RHEBL1: variants seen among roughly 807,000 people sequenced by gnomAD.
The protein encoded by RHEBL1 is RHEB like 1, also known as GTPase RhebL1.
A neutral mutation model predicts 27.4 loss-of-function variants in RHEBL1; 22 were observed. The observed-to-expected ratio is 0.80, with a 90% CI of 0.57 to 1.15. RHEBL1 has a LOEUF of 1.15. Ranked by LOEUF, RHEBL1 falls within the 50% of genes most tolerant of loss-of-function variation. The pLI is 0.00. For missense variants in RHEBL1, 186 were observed against 226.5 expected (o/e 0.82, Z 1.15); for synonymous variants, 85 against 80.8 (o/e 1.05, Z -0.28).
At chr12:49,068,959 A>C in intron 2 of RHEBL1, 76 bp downstream of exon 2, 1 of 1,456,190 alleles carries the variant, frequency 6.9e-7, no homozygotes, top group Non-Finnish European at 9.3e-7. Context: ...CAGAGAAATA[A>C]ATTATGGAGT....
chr12:49,064,755 G>C lies in RHEBL1; in HGVS notation c.*348C>G. ...AGCCAGCTCTATTTCAGAAGTCCCC[G>C]GCTCCCCTTACCCAGCCAACACCCA... On this transcript the variant is annotated 3_prime_UTR_variant, in exon 8 of 8. Transcript: ENST00000301068. 4.1e-6 allele frequency: 1 copy of C among 242,470 alleles called. No individual in the cohort carries two copies. The highest frequency in any genetic ancestry group is 8.1e-6 in the Non-Finnish European group (1 of 123,234). 15.0% of individuals were successfully genotyped at this position (242,470 alleles called of 1,614,324 possible). A position where few individuals can be genotyped will look rare whatever the true frequency, so the allele number is the denominator to read the frequency against.
chr12:49,066,352 C>T (rs77472342), intron 5 of RHEBL1, 74 bp from the exon 6 acceptor site: 42,775 of 1,560,654 alleles, frequency 0.027, 734 homozygotes, highest in Non-Finnish European at 0.029. Flanking sequence ...CAAGGCTGGA[C>T]GACTCCTTAT....
At chr12:49,067,971 G>T (rs1939024065) in intron 2 of RHEBL1, among the ~76,000 whole-genome samples, 1 of 151,818 alleles carries the variant, frequency 6.6e-6, no homozygotes, top group African/African-American at 2.4e-5. Flanking sequence ...TTCTCTTCTA[G>T]CTATTTTGAA....
At position 49,065,390 on chromosome 12, in the gene RHEBL1, C is replaced by G; in HGVS notation, c.422G>C (p.Trp141Ser). 6.2e-7 allele frequency: 1 copy of G among 1,614,202 alleles called. No individual in the cohort carries two copies. The highest frequency in any genetic ancestry group is 1.1e-5 in the South Asian group (1 of 91,080). ...AGATGACTCCATAAATGTCGCACCC[C>G]AGGACTCTGCCAGCTTCTTTCCTTC... ...AVEGKKLAES[W>S]GATFMESSAR... Residue 141 changes from tryptophan (W) to serine (S), a missense_variant, in exon 7 of 8, where the codon TGG (tryptophan) becomes TCG (serine). By Grantham distance (177) the Trp-to-Ser change is radical. This residue lies in a region of RHEBL1 where 90 missense variants were observed against 95.2 expected (regional missense o/e 0.95). Transcript: ENST00000301068.
intron 6 of RHEBL1, 61 bp downstream of exon 6, chr12:49,066,170 G>C (rs1938993600): frequency 7.5e-7 from 1 of 1,341,510 alleles, no homozygotes; most frequent in Admixed American, 1.7e-5. Context: ...CAGGATGAGA[G>C]CCTGACTGAT....
chr12:49,069,603 C>T lies in RHEBL1; in HGVS notation c.52+131G>A, dbSNP rs1205363799. The stretch of plus-strand genomic sequence containing the variant: ...TCCTCCACTCTTCCATTCCTCCACT[C>T]TTCCAATCCTCGCTCTACAACCCCA... On this transcript the variant is annotated intron_variant, in intron 1 of 7. Coordinates refer to ENST00000301068, the MANE Select transcript of RHEBL1 (RefSeq NM_144593.3). 3 of 820,064 alleles carry T rather than the reference C, an allele frequency of 3.7e-6. No homozygotes were observed. The Admixed American group carries it at 5.8e-5, about 16-fold the overall frequency. The allele number at this position is 820,064 out of a possible 1,614,324, so 50.8% of individuals were successfully genotyped here.
chr12:49,069,897 G>T lies in RHEBL1; in HGVS notation c.-112C>A. ...GTGCAGGAAAGTCGCTCACCCCGAA[G>T]CTGCCGTGGGCAAGTTAGAAGGAAA... is the stretch of plus-strand genomic sequence containing the variant. On this transcript the variant is annotated 5_prime_UTR_variant, in exon 1 of 8. Coordinates refer to ENST00000301068, the MANE Select transcript of RHEBL1 (RefSeq NM_144593.3). 1.1e-6 allele frequency: 1 copy of T among 875,044 alleles called. No individual in the cohort carries two copies. Among genetic ancestry groups the T allele is most frequent in the South Asian group, 1.4e-5 (1 of 72,916 alleles). The allele number at this position is 875,044 out of a possible 1,614,324, so 54.2% of individuals were successfully genotyped here.
At chr12:49,068,644 C>G (rs1939037211) in intron 2 of RHEBL1, among the ~76,000 whole-genome samples, 1 of 152,034 alleles carries the variant, frequency 6.6e-6, no homozygotes, top group African/African-American at 2.4e-5. Context: ...CCATGTTGGC[C>G]AGGTTGGTCT....
chr12:49,068,054 A>G (rs1039396988), intron 2 of RHEBL1, among the ~76,000 whole-genome samples: 2 of 151,802 alleles, frequency 1.3e-5, no homozygotes, highest in African/African-American at 4.8e-5. Context: ...ATCAAACTAT[A>G]TATTTGTACC....
chr12:49,069,283 C>T lies in RHEBL1; in HGVS notation c.53-177G>A, dbSNP rs558328321. The T allele has an allele frequency of 9.1e-6, 10 of 1,093,538 alleles. No individual in the cohort carries two copies. The South Asian group carries it at 1.3e-4, about 14-fold the overall frequency. 67.7% of individuals were successfully genotyped at this position (1,093,538 alleles called of 1,614,324 possible). On this transcript the variant is annotated intron_variant, in intron 1 of 7. Transcript: ENST00000301068. ...TCACCCTCTTTTCACCCAGGGTCTC[C>T]GCACTTTGGCTACCGGATGCATTCA... is the stretch of plus-strand genomic sequence containing the variant.
intron 2 of RHEBL1, 23 bp downstream of exon 2, chr12:49,069,012 C>A: frequency 1.2e-6 from 2 of 1,606,382 alleles, no homozygotes; most frequent in Non-Finnish European, 1.7e-6. Context: ...ACCACCAGCA[C>A]ACTAGGGGAG....
At chr12:49,069,178 TG>T (rs745323685) in intron 1 of RHEBL1, 72 bp from the exon 2 acceptor site, 1 of 1,612,412 alleles carries the variant, frequency 6.2e-7, no homozygotes, top group Non-Finnish European at 8.5e-7. Flanking sequence ...TTTCGGACTG[TG>T]GCCCAGGACC....
At chr12:49,067,372 T>C (rs1365673335) in intron 2 of RHEBL1, among the ~76,000 whole-genome samples, 2 of 151,836 alleles carry the variant, frequency 1.3e-5, no homozygotes, top group African/African-American at 4.8e-5. Flanking sequence ...CTGGAACTCC[T>C]GGGCTCAAGC....
rs1938995703 is a variant in RHEBL1 at position 49,066,276 on chromosome 12, A to G, written c.335T>C (p.Val112Ala). 6.2e-7 allele frequency: 1 copy of G among 1,613,762 alleles called. No individual in the cohort carries two copies. Among genetic ancestry groups the G allele is most frequent in the East Asian group, 2.2e-5 (1 of 44,876 alleles). The change falls in exon 6 of 8, where the codon GTG becomes GCG. Residue 112 changes from valine (V) to alanine (A), a missense_variant and splice_region_variant. Coordinates refer to ENST00000301068, the MANE Select transcript of RHEBL1 (RefSeq NM_144593.3). ...KLHEGHGKTR[V>A]PVVLVGNKAD... ...CTTGTTCCCCACTAGAACCACTGGC[A>G]CCCTGTGAGGAAACAGCAGTTACTT...
rs1939045713 is a variant in RHEBL1, at chr12:49,069,121, G to A, written c.53-15C>T. The A allele has an allele frequency of 6.2e-7, 1 of 1,614,012 alleles. No homozygotes were observed. The highest frequency in any genetic ancestry group is 1.1e-5 in the South Asian group (1 of 91,090). ...AGATGTCTTCCCTGTGGGGAGCAGT[G>A]TGACAGTTGTATCCAAATCATCCAT... is the stretch of plus-strand genomic sequence containing the variant. On this transcript the variant is annotated splice_polypyrimidine_tract_variant and intron_variant, in intron 1 of 7. Transcript: ENST00000301068.
At chr12:49,066,889 C>T (rs1565839278) in intron 3 of RHEBL1, 79 bp downstream of exon 3, 44 of 1,247,810 alleles carry the variant, frequency 3.5e-5, no homozygotes, top group Middle Eastern at 1.9e-4. Context: ...TACTACTTTA[C>T]GGATGAGCCA....
rs1939062529 is a variant in RHEBL1 at position 49,069,907 on chromosome 12, G to A, written c.-122C>T. The A allele has an allele frequency of 4.9e-6, 4 of 822,226 alleles. No homozygotes were observed. The highest frequency in any genetic ancestry group is 2.6e-5 in the East Asian group (1 of 37,874). 50.9% of individuals were successfully genotyped at this position (822,226 alleles called of 1,614,324 possible). A position where few individuals can be genotyped will look rare whatever the true frequency, so the allele number is the denominator to read the frequency against. ...GTCGCTCACCCCGAAGCTGCCGTGG[G>A]CAAGTTAGAAGGAAACCAAAACAAG... On this transcript the variant is annotated 5_prime_UTR_variant, in exon 1 of 8. Coordinates refer to ENST00000301068, the MANE Select transcript of RHEBL1 (RefSeq NM_144593.3).
Position 49,066,581 on chromosome 12 carries a change from T to C in RHEBL1, c.275+38A>G, listed in dbSNP as rs539028234. 3.1e-6 allele frequency: 5 copies of C among 1,613,470 alleles called. No individual in the cohort carries two copies. The South Asian group carries it at 4.4e-5, about 14-fold the overall frequency. The stretch of plus-strand genomic sequence containing the variant: ...ATAACTTTATGAGACAGTCCTCAGG[T>C]TCTCCCAAGTCCCGCACTCACAACC... On this transcript the variant is annotated intron_variant, in intron 4 of 7. Transcript: ENST00000301068.
chr12:49,069,681 T>C (rs1939056681), intron 1 of RHEBL1, 53 bp downstream of exon 1: 1 of 1,559,654 alleles, frequency 6.4e-7, no homozygotes, highest in South Asian at 1.1e-5. Flanking sequence ...GCAGCGCGCC[T>C]CTTCTGGCTA....
Sources: gnomAD v4.1 joint callset for allele counts (sites outside exome capture counted in the v4.1 genomes callset) on GRCh38, gnomAD v4.1.1 for gene constraint, gnomAD v4.1.1 regional missense constraint, MANE v1.5 for transcripts, NCBI Gene and HGNC (gene_info 2026-07-23, HGNC 2026-07-21) for gene names.